CTNNB1: variants seen among roughly 807,000 people sequenced by gnomAD.
CTNNB1 encodes the protein catenin beta 1.
Under a neutral mutation model 82.5 loss-of-function variants are expected in CTNNB1, and 6 were observed. The observed-to-expected ratio is 0.07, with a 90% CI of 0.04 to 0.14. The LOEUF is 0.14. CTNNB1 is among the 10% of genes least tolerant of loss of function. The probability of loss-of-function intolerance (pLI) is 1.00; values close to 1 mark genes in which losing one functional copy is unlikely to be tolerated. For synonymous variants in CTNNB1, 312 were observed against 329.7 expected (o/e 0.95, Z 0.58); for missense variants, 529 against 980.4 (o/e 0.54, Z 6.15).
rs2125638889 is a variant in CTNNB1, at chr3:41,233,574, T to C, written c.1231T>C (p.Ser411Pro). 6.2e-7 allele frequency: 1 copy of C among 1,614,210 alleles called. No individual in the cohort carries two copies. The highest frequency in any genetic ancestry group is 8.5e-7 in the Non-Finnish European group (1 of 1,180,024). ...LLGTLVQLLG[S>P]DDINVVTCAA... Reference sequence around the variant, plus strand: ...TGGGACTCTTGTTCAGCTTCTGGGTTCAGATGATATAAATGTGGTCACCTG... The same window carrying C: ...TGGGACTCTTGTTCAGCTTCTGGGTCCAGATGATATAAATGTGGTCACCTG... Residue 411 changes from serine (S) to proline (P), a missense_variant, in exon 9 of 15, where the codon TCA (serine) becomes CCA (proline). Transcript: ENST00000349496.
intron 1 of CTNNB1, among the ~76,000 whole-genome samples, chr3:41,200,820 C>G (rs1372889957): frequency 6.6e-6 from 1 of 152,220 alleles, no homozygotes; most frequent in Non-Finnish European, 1.5e-5. Flanking sequence ...CCTTCGTTCT[C>G]TTCCCTTTTG....
Position 41,225,909 on chromosome 3 carries a change from C to G in CTNNB1, c.936+48C>G, listed in dbSNP as rs748258381. 13 of 1,525,056 alleles carry G rather than the reference C, an allele frequency of 8.5e-6. No individual in the cohort carries two copies. In the Admixed American group the frequency reaches 2.1e-4, roughly 24 times the overall value. The allele number at this position is 1,525,056 out of a possible 1,614,324, so 94.5% of individuals were successfully genotyped here. A position where few individuals can be genotyped will look rare whatever the true frequency, so the allele number is the denominator to read the frequency against. On this transcript the variant is annotated intron_variant, in intron 6 of 14. Transcript: ENST00000349496. This position sits in a 1 kb window ranked among gnomAD's most constrained non-coding sequence, Gnocchi z 5.3. Reference sequence around the variant, plus strand: ...GGTTTTCATGGAGCATTGGACACCTCCAGTGTCATGTCATTCCATGCAGTG... The same window carrying G: ...GGTTTTCATGGAGCATTGGACACCTGCAGTGTCATGTCATTCCATGCAGTG...
chr3:41,236,048 T>C, intron 11 of CTNNB1: 1 of 727,982 alleles, frequency 1.4e-6, no homozygotes, highest in Non-Finnish European at 2.3e-6. Context: ...TATGGGTGCC[T>C]AGAGGGGAGA....
intron 7 of CTNNB1, chr3:41,233,132 A>G: frequency 4.8e-6 from 3 of 621,414 alleles, no homozygotes; most frequent in Admixed American, 2.7e-5. Flanking sequence ...AACAGTAGCT[A>G]TTTGAGAGTT....
rs1367048416 is a variant in CTNNB1, at chr3:41,234,562, T to A, written c.1683+265T>A. 1.3e-5 allele frequency: 6 copies of A among 477,172 alleles called. 1 individual carries two copies. Among genetic ancestry groups the A allele is most frequent in the Non-Finnish European group, 2.3e-5 (6 of 261,330 alleles). The allele number at this position is 477,172 out of a possible 1,614,324, so 29.6% of individuals were successfully genotyped here. A position where few individuals can be genotyped will look rare whatever the true frequency, so the allele number is the denominator to read the frequency against. ...TTAGGTGTTTCATAAAGTGTTCTCA[T>A]TTAATTTACACAAAGGCCCACTTCC... On this transcript the variant is annotated intron_variant, in intron 10 of 14. Transcript: ENST00000349496.
chr3:41,213,415 T>C (rs905708546), intron 1 of CTNNB1, among the ~76,000 whole-genome samples: 6 of 152,218 alleles, frequency 3.9e-5, no homozygotes, highest in Non-Finnish European at 7.3e-5. Flanking sequence ...CTTCTCCCAC[T>C]TGTTAATTAG....
chr3:41,210,229 GGATCACGA>G (rs907954245), intron 1 of CTNNB1, among the ~76,000 whole-genome samples: 58 of 152,084 alleles, frequency 3.8e-4, no homozygotes, highest in African/African-American at 1.4e-3. Flanking sequence ...TGAGGCAGGC[GGATCACGA>G]GGTCAGGAGA....
chr3:41,236,695 A>G lies in CTNNB1; in HGVS notation c.2062A>G (p.Met688Val), dbSNP rs4135384. The G allele has an allele frequency of 8.1e-6, 13 of 1,614,044 alleles. No homozygotes were observed. Among genetic ancestry groups the G allele is most frequent in the African/African-American group, 8.0e-5 (6 of 74,932 alleles). ...LTSSLFRTEP[M>V]AWNETADLGL... Reference sequence around the variant, plus strand: ...CAGCTCTCTCTTCAGAACAGAGCCAATGGCTTGGAATGAGGTAGGGAAATG... The same window carrying G: ...CAGCTCTCTCTTCAGAACAGAGCCAGTGGCTTGGAATGAGGTAGGGAAATG... The change falls in exon 13 of 15, where the codon ATG becomes GTG. Residue 688 changes from methionine (M) to valine (V), a missense_variant. Physicochemically the swap from Met to Val is conservative, Grantham distance 21 (BLOSUM62 1). This residue lies in a region of CTNNB1 where 102 missense variants were observed against 130.8 expected (regional missense o/e 0.78). Coordinates refer to ENST00000349496, the MANE Select transcript of CTNNB1 (RefSeq NM_001904.4).
chr3:41,226,401 A>T (rs1482999736), intron 6 of CTNNB1, among the ~76,000 whole-genome samples: 1 of 152,186 alleles, frequency 6.6e-6, no homozygotes, highest in Non-Finnish European at 1.5e-5. Context: ...ACACAAGTTG[A>T]AACTGACTCT....
At chr3:41,202,653 C>T (rs1247469593) in intron 1 of CTNNB1, among the ~76,000 whole-genome samples, 1 of 152,148 alleles carries the variant, frequency 6.6e-6, no homozygotes, top group East Asian at 1.9e-4. Flanking sequence ...AGTTGTCCTT[C>T]TCTAACAGAC....
At chr3:41,236,011 G>A in intron 11 of CTNNB1, 168 bp downstream of exon 11, 1 of 850,638 alleles carries the variant, frequency 1.2e-6, no homozygotes, top group South Asian at 1.6e-5. Context: ...GACTTGAGAA[G>A]AGGGAGGAGA....
Position 41,233,842 on chromosome 3 carries a change from C to T in CTNNB1, c.1499C>T (p.Pro500Leu), listed in dbSNP as rs2125640794. ...GLPVVVKLLH[P>L]PSHWPLIKAT... Reference sequence around the variant, plus strand: ...CCAGTTGTGGTTAAGCTCTTACACCCACCATCCCACTGGCCTCTGATAAAG... The same window carrying T: ...CCAGTTGTGGTTAAGCTCTTACACCTACCATCCCACTGGCCTCTGATAAAG... The change falls in exon 9 of 15, where the codon CCA becomes CTA. Residue 500 changes from proline (P) to leucine (L), a missense_variant. Around this residue, in one of 4 missense-constraint regions of CTNNB1, gnomAD observed 411 missense variants for 776.4 expected, o/e 0.53. Coordinates refer to ENST00000349496, the MANE Select transcript of CTNNB1 (RefSeq NM_001904.4). The T allele has an allele frequency of 6.2e-7, 1 of 1,613,916 alleles. No homozygotes were observed. The highest frequency in any genetic ancestry group is 8.5e-7 in the Non-Finnish European group (1 of 1,179,936).
chr3:41,236,570 T>G lies in CTNNB1; in HGVS notation c.1955-18T>G. ...GTCTCAGTTTTTCCTCAAGGGCCTT[T>G]TTCTCCTTGTCTCTTAGCGACATAT... On this transcript the variant is annotated intron_variant, in intron 12 of 14. Coordinates refer to ENST00000349496, the MANE Select transcript of CTNNB1 (RefSeq NM_001904.4). 1.9e-6 allele frequency: 3 copies of G among 1,614,214 alleles called. No homozygotes were observed. In the East Asian group the frequency reaches 6.7e-5, roughly 36 times the overall value.
At chr3:41,218,802 C>A (rs948907516) in intron 1 of CTNNB1, among the ~76,000 whole-genome samples, 1 of 152,192 alleles carries the variant, frequency 6.6e-6, no homozygotes, top group African/African-American at 2.4e-5. Flanking sequence ...GACAATCCAC[C>A]TGCCTTGGCT....
rs1361178030 is a variant in CTNNB1 at position 41,227,220 on chromosome 3, G to T, written c.949G>T (p.Ala317Ser). The change falls in exon 7 of 15, where the codon GCT (alanine) becomes TCT (serine). Residue 317 changes from alanine (A) to serine (S), a missense_variant. Ala to Ser is a moderately conservative substitution (Grantham distance 99). Coordinates refer to ENST00000349496, the MANE Select transcript of CTNNB1 (RefSeq NM_001904.4). ...TATATCTTTCTAGCTCATCATACTGGCTAGTGGTGGACCCCAAGCTTTAGT... is the reference window on the plus strand; with the variant it reads ...TATATCTTTCTAGCTCATCATACTGTCTAGTGGTGGACCCCAAGCTTTAGT... ...GNQESKLIIL[A>S]SGGPQALVNI... is the part of the protein sequence containing the mutation. 1 of 1,610,722 alleles carries T rather than the reference G, an allele frequency of 6.2e-7. No individual in the cohort carries two copies. The highest frequency in any genetic ancestry group is 8.5e-7 in the Non-Finnish European group (1 of 1,177,084).
In CTNNB1 at chr3:41,239,888, T is replaced by C; in HGVS notation, c.*546T>C. ...GAATGCACAAGAATGGATCACAAGA[T>C]GGAATTTATCAAACCCTAGCCTTGC... On this transcript the variant is annotated 3_prime_UTR_variant, in exon 15 of 15. Transcript: ENST00000349496. The C allele has an allele frequency of 4.4e-6, 1 of 229,174 alleles. No homozygotes were observed. The highest frequency in any genetic ancestry group is 8.6e-6 in the Non-Finnish European group (1 of 116,024). The allele number at this position is 229,174 out of a possible 1,614,324, so 14.2% of individuals were successfully genotyped here.
At chr3:41,216,426 A>C (rs2077917896) in intron 1 of CTNNB1, among the ~76,000 whole-genome samples, 1 of 152,278 alleles carries the variant, frequency 6.6e-6, no homozygotes, top group African/African-American at 2.4e-5. Flanking sequence ...GCTAGGAATG[A>C]AGAAATAGTT....
At chr3:41,212,945 C>CT (rs1465738148) in intron 1 of CTNNB1, among the ~76,000 whole-genome samples, 3 of 152,180 alleles carry the variant, frequency 2.0e-5, no homozygotes, top group African/African-American at 7.2e-5. Context: ...TGGAATATTG[C>CT]TATAGCTGCC....
At chr3:41,237,096 A>G (rs968980109) in intron 13 of CTNNB1, 1 of 329,942 alleles carries the variant, frequency 3.0e-6, no homozygotes, top group Non-Finnish European at 5.6e-6. Flanking sequence ...TCTGCTATGA[A>G]TTTTTCTTCA....
Sources: allele counts gnomAD v4.1 joint callset (sites outside exome capture counted in the v4.1 genomes callset), GRCh38; gene constraint gnomAD v4.1.1; regional missense constraint gnomAD v4.1.1; non-coding constraint Gnocchi (gnomAD v3.1); transcripts MANE v1.5; gene names NCBI Gene and HGNC (gene_info 2026-07-23, HGNC 2026-07-21).